The following DRC11 variants were observed in gnomAD, a reference collection of about 807,000 sequenced individuals.
DRC11 encodes dynein regulatory complex subunit 11.
At chr2:236,356,060 G>A in the DRC11 span, among the ~76,000 whole-genome samples, 1 of 152,076 alleles carries the variant, frequency 6.6e-6, no homozygotes, top group Admixed American at 6.6e-5. Flanking sequence ...GACCACTGTG[G>A]GCCACGTGTC....
At chr2:236,381,765 G>A in the DRC11 span, among the ~76,000 whole-genome samples, 1 of 152,134 alleles carries the variant, frequency 6.6e-6, no homozygotes, top group Non-Finnish European at 1.5e-5. The surrounding 1 kb of genome is among the most constrained non-coding windows in gnomAD (Gnocchi z 5.8). Flanking sequence ...GTCTCTTTAT[G>A]TCTTTCACTT....
chr2:236,413,034 A>G, the DRC11 span: 1 of 152,238 alleles, frequency 6.6e-6, no homozygotes, highest in African/African-American at 2.4e-5. This position sits in a 1 kb window ranked among gnomAD's most constrained non-coding sequence, Gnocchi z 4.0. Flanking sequence ...GGCTCCTGAA[A>G]GAGTCTCCTG....
At chr2:236,435,022 T>TA in the DRC11 span, among the ~76,000 whole-genome samples, 1 of 152,138 alleles carries the variant, frequency 6.6e-6, no homozygotes, top group Non-Finnish European at 1.5e-5. Flanking sequence ...AGGAGTCCTC[T>TA]AGAGGGCTGA....
At chr2:236,332,131 A>C in the DRC11 span, 1 of 156,532 alleles carries the variant, frequency 6.4e-6, no homozygotes, top group Admixed American at 6.1e-5. The surrounding 1 kb of genome is among the most constrained non-coding windows in gnomAD (Gnocchi z 5.1). Flanking sequence ...TACACATTTT[A>C]TTAAATAGAG....
At chr2:236,501,231 C>T in the DRC11 span, among the ~76,000 whole-genome samples, 4 of 152,068 alleles carry the variant, frequency 2.6e-5, no homozygotes, top group Non-Finnish European at 5.9e-5. Context: ...AAGAGAATGG[C>T]ACAAAAGGGG....
the DRC11 span, among the ~76,000 whole-genome samples, chr2:236,490,674 G>A: frequency 1.3e-5 from 2 of 152,046 alleles, no homozygotes; most frequent in Non-Finnish European, 2.9e-5. This position sits in a 1 kb window ranked among gnomAD's most constrained non-coding sequence, Gnocchi z 5.5. Flanking sequence ...ATTTTGAGTA[G>A]GGAACTCAAC....
chr2:236,405,889 T>C, the DRC11 span, among the ~76,000 whole-genome samples: 4 of 152,188 alleles, frequency 2.6e-5, no homozygotes, highest in Non-Finnish European at 5.9e-5. This position sits in a 1 kb window ranked among gnomAD's most constrained non-coding sequence, Gnocchi z 4.6. Context: ...TCATTCACAC[T>C]GCGAAGAATG....
the DRC11 span, among the ~76,000 whole-genome samples, chr2:236,375,350 C>T: frequency 1.9e-4 from 29 of 152,276 alleles, no homozygotes; most frequent in East Asian, 3.9e-3. The surrounding 1 kb of genome is among the most constrained non-coding windows in gnomAD (Gnocchi z 4.2). Flanking sequence ...GAATCTACCA[C>T]GTGCCAGGCA....
the DRC11 span, among the ~76,000 whole-genome samples, chr2:236,338,766 T>G: frequency 6.6e-6 from 1 of 152,248 alleles, no homozygotes; most frequent in African/African-American, 2.4e-5. Flanking sequence ...CTTCCTTTGC[T>G]GATTGCTGGA....
the DRC11 span, among the ~76,000 whole-genome samples, chr2:236,342,975 G>C: frequency 6.6e-6 from 1 of 152,302 alleles, no homozygotes; most frequent in Non-Finnish European, 1.5e-5. This position sits in a 1 kb window ranked among gnomAD's most constrained non-coding sequence, Gnocchi z 5.8. Flanking sequence ...CATGCCTCCA[G>C]TGGCCTTCAT....
the DRC11 span, among the ~76,000 whole-genome samples, chr2:236,451,398 C>T: frequency 6.6e-6 from 1 of 151,666 alleles, no homozygotes; most frequent in East Asian, 1.9e-4. Context: ...AGTATAGCTG[C>T]CTTGTTTAAA....
the DRC11 span, among the ~76,000 whole-genome samples, chr2:236,437,019 C>G: frequency 7.9e-5 from 12 of 151,334 alleles, no homozygotes; most frequent in Non-Finnish European, 1.3e-4. Flanking sequence ...TATACATGTG[C>G]CATGCTGGTG....
At chr2:236,351,781 T>A in the DRC11 span, among the ~76,000 whole-genome samples, 2 of 150,590 alleles carry the variant, frequency 1.3e-5, no homozygotes, top group South Asian at 2.1e-4. The surrounding 1 kb of genome is among the most constrained non-coding windows in gnomAD (Gnocchi z 7.3). Context: ...CAGGGCAGGA[T>A]GGGGAGGGCA....
At chr2:236,473,359 G>A in the DRC11 span, among the ~76,000 whole-genome samples, 63 of 152,298 alleles carry the variant, frequency 4.1e-4, no homozygotes, top group African/African-American at 1.4e-3. The surrounding 1 kb of genome is among the most constrained non-coding windows in gnomAD (Gnocchi z 4.8). Flanking sequence ...GCCCAAGCTC[G>A]TACTTGAGGT....
At chr2:236,479,371 C>T in the DRC11 span, among the ~76,000 whole-genome samples, 2 of 152,222 alleles carry the variant, frequency 1.3e-5, no homozygotes, top group South Asian at 2.1e-4. The surrounding 1 kb of genome is among the most constrained non-coding windows in gnomAD (Gnocchi z 4.1). Context: ...TAAGAATGTA[C>T]TACTGCCATT....
At chr2:236,334,773 C>T in the DRC11 span, among the ~76,000 whole-genome samples, 1 of 152,032 alleles carries the variant, frequency 6.6e-6, no homozygotes, top group African/African-American at 2.4e-5. The surrounding 1 kb of genome is among the most constrained non-coding windows in gnomAD (Gnocchi z 7.8). Context: ...CCTCTGAAGC[C>T]TGGAATTGCA....
the DRC11 span, among the ~76,000 whole-genome samples, chr2:236,468,696 G>T: frequency 2.6e-5 from 4 of 152,152 alleles, no homozygotes; most frequent in African/African-American, 9.7e-5. Flanking sequence ...TAAGACAGAA[G>T]CATAAATTCA....
At chr2:236,356,989 T>C in the DRC11 span, among the ~76,000 whole-genome samples, 1 of 97,358 alleles carries the variant, frequency 1.0e-5, no homozygotes, top group African/African-American at 3.6e-5. Context: ...ATATATTATA[T>C]ATCTATATAT....
chr2:236,407,702 A>G, the DRC11 span: 1 of 260,142 alleles, frequency 3.8e-6, no homozygotes. Context: ...CTGCTGCATC[A>G]TTTCCCCCCT....
Sources: gnomAD v4.1 joint callset for allele counts (sites outside exome capture counted in the v4.1 genomes callset) on GRCh38, gnomAD v4.1.1 for gene constraint, Gnocchi (gnomAD v3.1) non-coding constraint, MANE v1.5 for transcripts, NCBI Gene and HGNC (gene_info 2026-07-23, HGNC 2026-07-21) for gene names.